Variants in WIF1 observed in about 807,000 individuals in gnomAD.
The protein encoded by WIF1 is Wnt inhibitory factor 1.
A neutral mutation model predicts 53.5 loss-of-function variants in WIF1; 35 were observed. That is an observed-to-expected ratio of 0.65 (90% CI 0.50 to 0.87). The LOEUF (loss-of-function observed/expected upper bound fraction) is 0.87. WIF1 is among the 40% of genes least tolerant of loss of function. WIF1 has a pLI of 0.00. For synonymous variants in WIF1, 171 were observed against 170.4 expected (o/e 1.00, Z -0.03); for missense variants, 467 against 476.8 (o/e 0.98, Z 0.19).
chr12:65,060,398 G>A (rs2136610745), intron 7 of WIF1, among the ~76,000 whole-genome samples: 1 of 152,260 alleles, frequency 6.6e-6, no homozygotes, highest in Non-Finnish European at 1.5e-5. Context: ...TACACCATGG[G>A]TAAGCACTGA....
intron 2 of WIF1, among the ~76,000 whole-genome samples, chr12:65,089,424 C>A (rs1565756223): frequency 6.6e-6 from 1 of 152,094 alleles, no homozygotes. Flanking sequence ...CTCATGCGCT[C>A]CAGATTTATT....
chr12:65,077,537 C>CT (rs1318234250), intron 3 of WIF1, among the ~76,000 whole-genome samples: 1 of 152,018 alleles, frequency 6.6e-6, no homozygotes, highest in Non-Finnish European at 1.5e-5. Context: ...TGGGGCTATT[C>CT]TGAATCTTTA....
Position 65,062,230 on chromosome 12 carries a change from C to A in WIF1, c.826+251G>T, listed in dbSNP as rs148194448. ...GAAAACAATGCAACTGTTGAATAAT[C>A]CAAACCCAGACATAACCGAGTCAGA... On this transcript the variant is annotated intron_variant, in intron 7 of 9. Coordinates refer to ENST00000286574, the MANE Select transcript of WIF1 (RefSeq NM_007191.5). Among the ~76,000 whole-genome samples, 699 of 152,264 alleles carry A rather than the reference C, an allele frequency of 4.6e-3. 7 individuals carry two copies. The highest frequency in any genetic ancestry group is 0.016 in the African/African-American group (677 of 41,548).
chr12:65,068,906 T>C lies in WIF1; in HGVS notation c.398-2A>G. On this transcript the variant is annotated splice_acceptor_variant, in intron 3 of 9. Transcript: ENST00000286574. LOFTEE classifies it high-confidence loss of function. ...GACATGGGAAACCAACTTGAACAAC[T>C]AAAAGAAAAAAAGAGAAAGTGTGGA... The C allele has an allele frequency of 6.2e-7, 1 of 1,606,420 alleles. No individual in the cohort carries two copies. The highest frequency in any genetic ancestry group is 1.1e-5 in the South Asian group (1 of 89,566).
chr12:65,077,547 A>T (rs568836388), intron 3 of WIF1, among the ~76,000 whole-genome samples, 199 bp downstream of exon 3: 7 of 152,228 alleles, frequency 4.6e-5, no homozygotes, highest in Admixed American at 3.3e-4. Flanking sequence ...CTGAATCTTT[A>T]GAAAATTATA....
chr12:65,067,844 G>T, intron 4 of WIF1, 54 bp from the exon 5 acceptor site: 1 of 1,503,526 alleles, frequency 6.7e-7, no homozygotes, highest in Non-Finnish European at 9.2e-7. Context: ...CATGTTGGGT[G>T]AATCACAGCC....
At chr12:65,097,449 A>T (rs1883223015) in intron 2 of WIF1, among the ~76,000 whole-genome samples, 1 of 152,196 alleles carries the variant, frequency 6.6e-6, no homozygotes, top group African/African-American at 2.4e-5. Context: ...TAGATTTAAG[A>T]GTCACCCCCA....
chr12:65,092,897 A>T (rs1592398555), intron 2 of WIF1, among the ~76,000 whole-genome samples: 1 of 152,002 alleles, frequency 6.6e-6, no homozygotes, highest in Non-Finnish European at 1.5e-5. Context: ...TGTAGGTGAC[A>T]TCAACTCCTG....
intron 2 of WIF1, among the ~76,000 whole-genome samples, chr12:65,113,012 A>G (rs1883456192): frequency 6.6e-6 from 1 of 152,282 alleles, no homozygotes; most frequent in East Asian, 1.9e-4. Flanking sequence ...TTTCTAGAGT[A>G]CAAGCTCCCA....
chr12:65,071,231 C>CAAAAAA (rs67928556), intron 3 of WIF1, among the ~76,000 whole-genome samples: 86 of 71,136 alleles, frequency 1.2e-3, no homozygotes, highest in African/African-American at 4.6e-3. Flanking sequence ...AAGACTCCAT[C>CAAAAAA]AAAAAAAAAA....
intron 8 of WIF1, among the ~76,000 whole-genome samples, chr12:65,055,730 G>C (rs1048889645): frequency 6.6e-6 from 1 of 152,186 alleles, no homozygotes; most frequent in Non-Finnish European, 1.5e-5. Flanking sequence ...GGCCTAGATC[G>C]CGCCACTGCA....
At chr12:65,119,206 G>A (rs1565763102) in intron 2 of WIF1, among the ~76,000 whole-genome samples, 1 of 152,166 alleles carries the variant, frequency 6.6e-6, no homozygotes. Flanking sequence ...AGAGGGACTT[G>A]TAGGGAGAAA....
intron 2 of WIF1, among the ~76,000 whole-genome samples, chr12:65,105,808 C>G (rs1289453298): frequency 6.6e-6 from 1 of 152,180 alleles, no homozygotes; most frequent in Non-Finnish European, 1.5e-5. Context: ...GCCACACTGG[C>G]AATTAAACTT....
rs766904024 is a variant in WIF1, at chr12:65,077,766, G to C, written c.377C>G (p.Thr126Arg). 8 of 1,613,508 alleles carry C rather than the reference G, an allele frequency of 5.0e-6. No individual in the cohort carries two copies. In the East Asian group the frequency reaches 1.8e-4, roughly 36 times the overall value. Reference sequence around the variant, plus strand: ...CCCACCTGATGCCTTGTGAGGCACTGTTCCCAGCAGAGGGACATTGACGGT... The same window carrying C: ...CCCACCTGATGCCTTGTGAGGCACTCTTCCCAGCAGAGGGACATTGACGGT... ...DPTVNVPLLG[T>R]VPHKASVVQV... is the part of the protein sequence containing the mutation. Residue 126 changes from threonine (T) to arginine (R), a missense_variant, in exon 3 of 10, where the codon ACA (threonine) becomes AGA (arginine). Thr to Arg is a moderately conservative substitution (Grantham distance 71). Coordinates refer to ENST00000286574, the MANE Select transcript of WIF1 (RefSeq NM_007191.5).
chr12:65,077,483 T>G (rs999483131), intron 3 of WIF1, among the ~76,000 whole-genome samples: 6 of 152,150 alleles, frequency 3.9e-5, no homozygotes, highest in Admixed American at 3.9e-4. Flanking sequence ...TTTTTTTTCT[T>G]TAAAAAAGTC....
intron 2 of WIF1, among the ~76,000 whole-genome samples, chr12:65,092,949 C>T (rs1169309921): frequency 6.6e-6 from 1 of 152,086 alleles, no homozygotes; most frequent in Admixed American, 6.6e-5. Context: ...TGACCCCTCT[C>T]CTGGAGGAGC....
intron 2 of WIF1, among the ~76,000 whole-genome samples, chr12:65,081,200 C>G (rs898683290): frequency 6.6e-6 from 1 of 152,022 alleles, no homozygotes; most frequent in Non-Finnish European, 1.5e-5. Context: ...ATTCTCTGAT[C>G]ATAGATAAAA....
intron 2 of WIF1, among the ~76,000 whole-genome samples, chr12:65,114,441 C>T (rs1049133220): frequency 2.0e-5 from 3 of 152,156 alleles, no homozygotes; most frequent in Admixed American, 6.5e-5. Flanking sequence ...ACTTTTCTCA[C>T]TTTAAAGGTG....
intron 3 of WIF1, among the ~76,000 whole-genome samples, chr12:65,072,687 A>G (rs1882802393): frequency 6.6e-6 from 1 of 152,182 alleles, no homozygotes. Flanking sequence ...AAATACTAGC[A>G]ACATGCACTC....
Sources: gnomAD v4.1 joint callset for allele counts (sites outside exome capture counted in the v4.1 genomes callset) on GRCh38, gnomAD v4.1.1 for gene constraint, MANE v1.5 for transcripts, NCBI Gene and HGNC (gene_info 2026-07-23, HGNC 2026-07-21) for gene names.